Variants in FMN1 observed in about 807,000 individuals in gnomAD.
FMN1 encodes the protein formin-1.
In FMN1, 110 loss-of-function variants were observed where a neutral mutation model predicts 132.4. The ratio of observed to expected loss-of-function variants is 0.83; its 90% CI spans 0.71 to 0.97. The LOEUF is 0.97. Among genes scored for constraint, FMN1 ranks in the 50% least tolerant of loss-of-function variants. The probability of loss-of-function intolerance (pLI) is 0.00; values close to 1 mark genes in which losing one functional copy is unlikely to be tolerated. For synonymous variants in FMN1, 722 were observed against 651.7 expected (o/e 1.11, Z -1.64); for missense variants, 1,792 against 1,705.3 (o/e 1.05, Z -0.90).
rs989808661 is a variant in FMN1, at chr15:32,876,237, T to G, written c.3835+11935A>C. On this transcript the variant is annotated intron_variant, in intron 16 of 20. Transcript: ENST00000616417. The stretch of plus-strand genomic sequence containing the variant: ...TGTTGTTCTTTTTATTGAAATTATG[T>G]AATTTAATGACTTGATGGTAAACCA... Among the ~76,000 whole-genome samples, 3 of 152,368 alleles carry G rather than the reference T, an allele frequency of 2.0e-5. No homozygotes were observed. The East Asian group carries it at 5.8e-4, about 29-fold the overall frequency.
At chr15:32,850,578 C>T (rs1300938580) in intron 17 of FMN1, among the ~76,000 whole-genome samples, 6 of 152,182 alleles carry the variant, frequency 3.9e-5, no homozygotes. Flanking sequence ...TTACACAATT[C>T]AAGCTGTTTG....
intron 17 of FMN1, among the ~76,000 whole-genome samples, chr15:32,829,915 C>T (rs1002425169): frequency 6.6e-6 from 1 of 152,104 alleles, no homozygotes; most frequent in African/African-American, 2.4e-5. Context: ...ACACATTTCT[C>T]CCACGTGGCA....
At chr15:32,820,501 C>T (rs1039704499) in intron 17 of FMN1, among the ~76,000 whole-genome samples, 4 of 151,402 alleles carry the variant, frequency 2.6e-5, no homozygotes, top group African/African-American at 7.4e-5. Context: ...GCATCACACC[C>T]TCTGTCTCCC....
chr15:32,790,606 G>A (rs899178529), intron 19 of FMN1, among the ~76,000 whole-genome samples: 4 of 152,306 alleles, frequency 2.6e-5, no homozygotes, highest in Middle Eastern at 6.8e-3. Flanking sequence ...AGGTTTGGGA[G>A]CTGCTGATCT....
intron 5 of FMN1, among the ~76,000 whole-genome samples, chr15:33,069,993 C>CA (rs1400922281): frequency 4.6e-4 from 34 of 74,292 alleles, no homozygotes; most frequent in African/African-American, 1.7e-3. Context: ...CAGTCTTTCT[C>CA]TTTTTTTTTT....
At chr15:32,933,553 T>C (rs113831668) in intron 9 of FMN1, among the ~76,000 whole-genome samples, 2,553 of 152,288 alleles carry the variant, frequency 0.017, 78 homozygotes, top group African/African-American at 0.059. Context: ...ACATCATTTA[T>C]CAAAAGTGGG....
In FMN1 at chr15:33,154,498, C is replaced by A; in HGVS notation, c.417G>T (p.Trp139Cys). ...GAGGGCCCACGGGGAGCTCTCCCTG[C>A]CAGTCACCAGCACTCTGGAAACAGT... ...EDDCFQSAGD[W>C]QGELPVGPLN... The change falls in exon 4 of 21, where the codon TGG becomes TGT. Residue 139 changes from tryptophan to cysteine, a missense_variant. This residue lies in a region of FMN1 where 638 missense variants were observed against 645.2 expected (regional missense o/e 0.99). Coordinates refer to ENST00000616417, the MANE Select transcript of FMN1 (RefSeq NM_001277313.2). 1 of 1,531,160 alleles carries A rather than the reference C, an allele frequency of 6.5e-7. No individual in the cohort carries two copies. Among genetic ancestry groups the A allele is most frequent in the Middle Eastern group, 1.7e-4 (1 of 5,970 alleles). The allele number at this position is 1,531,160 out of a possible 1,614,324, so 94.8% of individuals were successfully genotyped here. A position where few individuals can be genotyped will look rare whatever the true frequency, so the allele number is the denominator to read the frequency against.
At chr15:32,863,153 C>T (rs1234696144) in intron 16 of FMN1, among the ~76,000 whole-genome samples, 1 of 152,190 alleles carries the variant, frequency 6.6e-6, no homozygotes, top group Admixed American at 6.5e-5. Context: ...TCAATAAATA[C>T]ATCAGTTCGG....
intron 4 of FMN1, among the ~76,000 whole-genome samples, chr15:33,096,786 G>C (rs2039101645): frequency 6.6e-6 from 1 of 151,798 alleles, no homozygotes; most frequent in African/African-American, 2.4e-5. Context: ...TTGTATCTTT[G>C]GATTTTGGTT....
intron 6 of FMN1, among the ~76,000 whole-genome samples, chr15:33,042,415 G>A (rs1244949904): frequency 6.6e-6 from 1 of 152,096 alleles, no homozygotes; most frequent in East Asian, 1.9e-4. Context: ...AAGAGTGTAA[G>A]TGCCTAAGCA....
chr15:32,816,460 G>A (rs2058061768), intron 17 of FMN1, among the ~76,000 whole-genome samples: 1 of 152,128 alleles, frequency 6.6e-6, no homozygotes, highest in African/African-American at 2.4e-5. Context: ...CTGGTTAAGA[G>A]GATTTTTGTT....
intron 6 of FMN1, among the ~76,000 whole-genome samples, chr15:33,038,071 T>C (rs2036266658): frequency 6.6e-6 from 1 of 152,074 alleles, no homozygotes; most frequent in African/African-American, 2.4e-5. Context: ...AAAAATATTA[T>C]ACAAAAATTA....
intron 17 of FMN1, among the ~76,000 whole-genome samples, chr15:32,817,767 G>GAC (rs2141083175): frequency 6.6e-6 from 1 of 152,326 alleles, no homozygotes; most frequent in East Asian, 1.9e-4. Flanking sequence ...TGAAAGTGCT[G>GAC]ACAGTGAATT....
chr15:33,137,510 G>A (rs1308054060), intron 4 of FMN1, among the ~76,000 whole-genome samples: 3 of 152,174 alleles, frequency 2.0e-5, no homozygotes, highest in Non-Finnish European at 2.9e-5. Flanking sequence ...GATCAGTAGA[G>A]CCCCAGATTA....
intron 9 of FMN1, among the ~76,000 whole-genome samples, chr15:32,926,834 G>C (rs1225689401): frequency 6.6e-6 from 1 of 152,136 alleles, no homozygotes; most frequent in Non-Finnish European, 1.5e-5. Context: ...ACCTAGGCTG[G>C]AGTGCAGTGG....
At chr15:33,026,550 T>G (rs1377342527) in intron 6 of FMN1, among the ~76,000 whole-genome samples, 1 of 152,152 alleles carries the variant, frequency 6.6e-6, no homozygotes, top group East Asian at 1.9e-4. Context: ...AAAAAGCATA[T>G]TCCTCATATA....
chr15:32,861,883 C>T (rs1264376861), intron 16 of FMN1, among the ~76,000 whole-genome samples: 1 of 152,210 alleles, frequency 6.6e-6, no homozygotes, highest in East Asian at 1.9e-4. Flanking sequence ...CTGAGCTTCG[C>T]GGTTTTGAAA....
At chr15:32,957,751 C>T (rs919635655) in intron 9 of FMN1, among the ~76,000 whole-genome samples, 1 of 152,080 alleles carries the variant, frequency 6.6e-6, no homozygotes, top group African/African-American at 2.4e-5. Flanking sequence ...TCATATTATA[C>T]TTATAATAAC....
rs773344715 is a variant in FMN1, at chr15:33,153,773, T to G, written c.1142A>C (p.His381Pro). The change falls in exon 4 of 21, where the codon CAT becomes CCT. Residue 381 changes from histidine (H) to proline (P), a missense_variant. His to Pro is a moderately conservative substitution (Grantham distance 77, BLOSUM62 -2). Transcript: ENST00000616417. ...LTLPGAEAGA[H>P]GSRRQGKERQ... ...CTCCTTGCCCTGCCGCCTGGAGCCA[T>G]GAGCCCCAGCCTCAGCTCCCGGGAG... The G allele has an allele frequency of 8.5e-6, 13 of 1,536,322 alleles. No individual in the cohort carries two copies. The East Asian group carries it at 2.7e-4, about 32-fold the overall frequency.
Sources: gnomAD v4.1 joint callset for allele counts (sites outside exome capture counted in the v4.1 genomes callset) on GRCh38, gnomAD v4.1.1 for gene constraint, gnomAD v4.1.1 regional missense constraint, MANE v1.5 for transcripts, NCBI Gene and HGNC (gene_info 2026-07-23, HGNC 2026-07-21) for gene names.